The following GALNTL6 variants were observed in gnomAD, a reference collection of about 807,000 sequenced individuals.
GALNTL6 encodes the protein polypeptide N-acetylgalactosaminyltransferase like 6.
A neutral mutation model predicts 73.7 loss-of-function variants in GALNTL6; 46 were observed. The ratio of observed to expected loss-of-function variants is 0.62; its 90% CI spans 0.49 to 0.80. GALNTL6 has a LOEUF of 0.80. GALNTL6 is among the 30% of genes least tolerant of loss of function. The probability of loss-of-function intolerance (pLI) is 0.00; values close to 1 mark genes in which losing one functional copy is unlikely to be tolerated. For missense variants in GALNTL6, 604 were observed against 755.0 expected (o/e 0.80, Z 2.34); for synonymous variants, 259 against 263.7 (o/e 0.98, Z 0.17).
chr4:172,135,115 G>A (rs2111026232), intron 2 of GALNTL6, among the ~76,000 whole-genome samples: 1 of 152,204 alleles, frequency 6.6e-6, no homozygotes, highest in African/African-American at 2.4e-5. Flanking sequence ...CTTTTCTAAA[G>A]AGAAAAACGT....
chr4:172,296,079 A>T (rs974687378), intron 3 of GALNTL6, among the ~76,000 whole-genome samples: 1 of 152,132 alleles, frequency 6.6e-6, no homozygotes, highest in African/African-American at 2.4e-5. Context: ...TCACTAACTC[A>T]TCAATGATAT....
At chr4:171,995,391 A>G (rs572903716) in intron 2 of GALNTL6, among the ~76,000 whole-genome samples, 22 of 152,202 alleles carry the variant, frequency 1.4e-4, no homozygotes, top group Non-Finnish European at 2.8e-4. Context: ...AATGAGGTTC[A>G]GTGAAGCATT....
intron 7 of GALNTL6, among the ~76,000 whole-genome samples, chr4:172,852,235 GTGTT>G (rs555461764): frequency 7.2e-5 from 11 of 152,236 alleles, no homozygotes; most frequent in Non-Finnish European, 1.3e-4. Flanking sequence ...TTCCAACTGA[GTGTT>G]TCAGGGGCAG....
intron 7 of GALNTL6, among the ~76,000 whole-genome samples, chr4:172,842,841 C>T (rs1743287300): frequency 6.6e-6 from 1 of 151,800 alleles, no homozygotes; most frequent in African/African-American, 2.4e-5. Context: ...AAAAAGGACC[C>T]CTGAACAGTT....
At chr4:172,601,848 A>T (rs1738061931) in intron 5 of GALNTL6, among the ~76,000 whole-genome samples, 1 of 149,252 alleles carries the variant, frequency 6.7e-6, no homozygotes, top group Admixed American at 6.6e-5. Flanking sequence ...ACCAAATTTA[A>T]TGAAAACCTG....
intron 2 of GALNTL6, among the ~76,000 whole-genome samples, chr4:171,966,303 G>A (rs915031655): frequency 6.6e-6 from 1 of 152,196 alleles, no homozygotes; most frequent in Non-Finnish European, 1.5e-5. Context: ...AGTTTGTGTG[G>A]TGTGATATTC....
At chr4:172,180,094 C>T (rs549157549) in intron 2 of GALNTL6, among the ~76,000 whole-genome samples, 1 of 152,340 alleles carries the variant, frequency 6.6e-6, no homozygotes, top group South Asian at 2.1e-4. Context: ...TCTCCACATC[C>T]TCTCCAGCAT....
In GALNTL6 at chr4:172,844,943, C is replaced by T. The variant is rs531178141; in HGVS notation, c.923+31220C>T. On this transcript the variant is annotated intron_variant, in intron 7 of 12. Transcript: ENST00000506823. ...ATAAAAATAAGATTCTGGCTGGGCGCGGTGGCTCACACCTGTAATCCCAGC... is the reference window on the plus strand; with the variant it reads ...ATAAAAATAAGATTCTGGCTGGGCGTGGTGGCTCACACCTGTAATCCCAGC... Among the ~76,000 whole-genome samples, 108 of 152,112 alleles carry T rather than the reference C, an allele frequency of 7.1e-4. 1 individual carries two copies. The highest frequency in any genetic ancestry group is 2.0e-3 in the African/African-American group (84 of 41,520).
At chr4:172,620,406 A>G (rs1318002770) in intron 5 of GALNTL6, among the ~76,000 whole-genome samples, 3 of 152,222 alleles carry the variant, frequency 2.0e-5, no homozygotes, top group African/African-American at 7.2e-5. Context: ...TAGCACTCAT[A>G]GAAAAATTTT....
intron 8 of GALNTL6, among the ~76,000 whole-genome samples, chr4:172,916,920 A>T (rs1286141952): frequency 6.6e-6 from 1 of 152,248 alleles, no homozygotes; most frequent in Non-Finnish European, 1.5e-5. Flanking sequence ...ATGGAACCAA[A>T]AAAGAGCCCA....
At chr4:171,989,583 G>C (rs1740266977) in intron 2 of GALNTL6, among the ~76,000 whole-genome samples, 1 of 152,150 alleles carries the variant, frequency 6.6e-6, no homozygotes, top group South Asian at 2.1e-4. Context: ...ATGTGGCTGG[G>C]GTTTGTCTCA....
chr4:172,177,377 A>G (rs767887995), intron 2 of GALNTL6, among the ~76,000 whole-genome samples: 3 of 152,160 alleles, frequency 2.0e-5, no homozygotes, highest in Non-Finnish European at 4.4e-5. Flanking sequence ...TTGGATAATG[A>G]ATAGGTATTA....
intron 2 of GALNTL6, among the ~76,000 whole-genome samples, chr4:172,124,465 C>T (rs1733241510): frequency 6.6e-6 from 1 of 152,070 alleles, no homozygotes; most frequent in Admixed American, 6.6e-5. Context: ...AACAGGACTG[C>T]AGGTAACTGT....
intron 5 of GALNTL6, among the ~76,000 whole-genome samples, chr4:172,761,531 C>G (rs1434408505): frequency 6.6e-6 from 1 of 152,008 alleles, no homozygotes; most frequent in Non-Finnish European, 1.5e-5. Flanking sequence ...TTTGTGATCC[C>G]CATGTGTTGA....
At chr4:172,465,169 G>T (rs570157466) in intron 5 of GALNTL6, among the ~76,000 whole-genome samples, 2 of 152,208 alleles carry the variant, frequency 1.3e-5, no homozygotes, top group African/African-American at 2.4e-5. Flanking sequence ...CCATTTGATG[G>T]TCTGCTATAT....
intron 5 of GALNTL6, among the ~76,000 whole-genome samples, chr4:172,673,898 A>G (rs2111212400): frequency 1.3e-5 from 2 of 152,302 alleles, no homozygotes; most frequent in South Asian, 4.1e-4. Context: ...AAGACAGCAT[A>G]CCAATGGGTC....
chr4:172,958,372 G>A (rs905965284), intron 10 of GALNTL6, among the ~76,000 whole-genome samples: 7 of 152,190 alleles, frequency 4.6e-5, no homozygotes, highest in African/African-American at 1.7e-4. Flanking sequence ...GTGGGTAATG[G>A]AAAGGGTTGG....
intron 5 of GALNTL6, among the ~76,000 whole-genome samples, chr4:172,466,295 G>A (rs1280494915): frequency 6.6e-6 from 1 of 152,088 alleles, no homozygotes; most frequent in South Asian, 2.1e-4. Context: ...AAAGTAATGT[G>A]ATAGTTGAAT....
At chr4:172,411,613 G>GAA (rs1235210013) in intron 5 of GALNTL6, among the ~76,000 whole-genome samples, 3 of 133,040 alleles carry the variant, frequency 2.3e-5, no homozygotes, top group African/African-American at 2.8e-5. Flanking sequence ...TGGACATGTT[G>GAA]AAAAAAAAAA....
Sources: allele counts gnomAD v4.1 joint callset (sites outside exome capture counted in the v4.1 genomes callset), GRCh38; gene constraint gnomAD v4.1.1; transcripts MANE v1.5; gene names NCBI Gene and HGNC (gene_info 2026-07-23, HGNC 2026-07-21).